Variants in RASSF5 observed in about 807,000 individuals in gnomAD.
RASSF5 encodes the protein Ras association domain family member 5.
A neutral mutation model predicts 40.5 loss-of-function variants in RASSF5; 25 were observed. That is an observed-to-expected ratio of 0.62 (90% CI 0.45 to 0.86). RASSF5 has a LOEUF of 0.86. RASSF5 is among the 40% of genes least tolerant of loss of function. RASSF5 has a pLI of 0.00. For missense variants in RASSF5, 521 were observed against 572.8 expected, an observed-to-expected ratio of 0.91 and a Z score of 0.92; for synonymous variants, 246 against 252.4, an observed-to-expected ratio of 0.97 and a Z score of 0.24.
In RASSF5 at chr1:206,584,888, A is replaced by G; in HGVS notation, c.988+204A>G. On this transcript the variant is annotated intron_variant, in intron 4 of 5. Transcript: ENST00000579436. This position sits in a 1 kb window ranked among gnomAD's most constrained non-coding sequence, Gnocchi z 4.9. ...CCTGACTCTGCATGTGACTTCAGGA[A>G]AACCACACCCTAGGCTCCCATTTCC... 1 of 612,218 alleles carries G rather than the reference A, an allele frequency of 1.6e-6. No homozygotes were observed. The highest frequency in any genetic ancestry group is 2.9e-6 in the Non-Finnish European group (1 of 349,014). The allele number at this position is 612,218 out of a possible 1,614,324, so 37.9% of individuals were successfully genotyped here. A position where few individuals can be genotyped will look rare whatever the true frequency, so the allele number is the denominator to read the frequency against.
chr1:206,581,161 A>T (rs528465697), intron 2 of RASSF5: 4 of 152,240 alleles, frequency 2.6e-5, no homozygotes, highest in Non-Finnish European at 5.9e-5. Flanking sequence ...CAGTTTTGTT[A>T]TCTGTGAAAT....
At chr1:206,570,947 A>G (rs1668431433) in intron 2 of RASSF5, among the ~76,000 whole-genome samples, 1 of 152,158 alleles carries the variant, frequency 6.6e-6, no homozygotes, top group Admixed American at 6.5e-5. Flanking sequence ...TTCTGGGTGT[A>G]TACCCAGAAG....
In RASSF5 at chr1:206,520,333, G is replaced by C. The variant is rs149102987; in HGVS notation, c.457+12274G>C. On this transcript the variant is annotated intron_variant, in intron 1 of 5. Coordinates refer to ENST00000579436, the MANE Select transcript of RASSF5 (RefSeq NM_182663.4). ...AAGAAAATGGGTTTGGTGGCCGGGCGCGGTGGCTCACGCCTGTAATCCCAG... is the reference window on the plus strand; with the variant it reads ...AAGAAAATGGGTTTGGTGGCCGGGCCCGGTGGCTCACGCCTGTAATCCCAG... Among the ~76,000 whole-genome samples the C allele has an allele frequency of 5.6e-3, 848 of 152,292 alleles. 6 individuals are homozygous for C. The highest frequency in any genetic ancestry group is 0.019 in the African/African-American group (795 of 41,564).
chr1:206,517,890 C>G (rs781929837), intron 1 of RASSF5, among the ~76,000 whole-genome samples: 4 of 152,256 alleles, frequency 2.6e-5, no homozygotes, highest in Non-Finnish European at 2.9e-5. Context: ...GCCCCTCCCC[C>G]ACCCTGGGCT....
chr1:206,550,986 G>A (rs1292604849), intron 2 of RASSF5, among the ~76,000 whole-genome samples: 4 of 152,148 alleles, frequency 2.6e-5, no homozygotes, highest in East Asian at 1.9e-4. Context: ...CTAAAATCTG[G>A]CTTTCTATAG....
At chr1:206,508,374 G>A (rs1412109675) in intron 1 of RASSF5, among the ~76,000 whole-genome samples, 1 of 150,918 alleles carries the variant, frequency 6.6e-6, no homozygotes, top group Non-Finnish European at 1.5e-5. Flanking sequence ...AGGTTGTGGG[G>A]GGTGGGTGGG....
At chr1:206,564,278 G>A (rs1324808332) in intron 2 of RASSF5, among the ~76,000 whole-genome samples, 2 of 152,056 alleles carry the variant, frequency 1.3e-5, no homozygotes, top group Non-Finnish European at 2.9e-5. Context: ...CCTCCTCCAG[G>A]ACCACCTGGA....
rs1669139592 is a variant in RASSF5 at position 206,586,877 on chromosome 1, A to G, written c.1156A>G (p.Lys386Glu). The change falls in exon 6 of 6, where the codon AAA becomes GAA. Residue 386 changes from lysine to glutamate, a missense_variant. This residue lies in a region of RASSF5 where 284 missense variants were observed against 360.8 expected (regional missense o/e 0.79). Coordinates refer to ENST00000579436, the MANE Select transcript of RASSF5 (RefSeq NM_182663.4). The stretch of plus-strand genomic sequence containing the variant: ...TCAGAACTTCCTAACAATCCTGGAA[A>G]AAGAGGAGCAGGACAAAATCCAACA... ...ELQNFLTILE[K>E]EEQDKIQQVQ... The G allele has an allele frequency of 6.2e-7, 1 of 1,614,098 alleles. No individual in the cohort carries two copies.
intron 2 of RASSF5, among the ~76,000 whole-genome samples, chr1:206,570,739 C>T (rs1553404087): frequency 6.6e-6 from 1 of 152,136 alleles, no homozygotes; most frequent in Admixed American, 6.5e-5. Context: ...ATTTCCTTCC[C>T]TTTCAAGGCT....
rs1440707739 is a variant in RASSF5 at position 206,584,845 on chromosome 1, G to A, written c.988+161G>A. 1.3e-6 allele frequency: 1 copy of A among 741,908 alleles called. No homozygotes were observed. The highest frequency in any genetic ancestry group is 2.2e-6 in the Non-Finnish European group (1 of 459,596). The allele number at this position is 741,908 out of a possible 1,614,324, so 46.0% of individuals were successfully genotyped here. On this transcript the variant is annotated intron_variant, in intron 4 of 5. Transcript: ENST00000579436. The surrounding 1 kb of genome is among the most constrained non-coding windows in gnomAD (Gnocchi z 4.9). ...GTTCAGATCTGTGGAATCCGGGCAG[G>A]GAGGCAAGAGCAGAGTCCCTGACTC... is the stretch of plus-strand genomic sequence containing the variant.
intron 2 of RASSF5, among the ~76,000 whole-genome samples, chr1:206,570,978 G>T (rs574801650): frequency 6.6e-6 from 1 of 152,118 alleles, no homozygotes; most frequent in Non-Finnish European, 1.5e-5. Flanking sequence ...GGATCACATG[G>T]TAATTCTGTT....
At chr1:206,582,586 G>A (rs1438951933) in intron 2 of RASSF5, among the ~76,000 whole-genome samples, 1 of 152,222 alleles carries the variant, frequency 6.6e-6, no homozygotes, top group African/African-American at 2.4e-5. Context: ...CCTGTGCCCA[G>A]TAGCGGTTTA....
chr1:206,587,718 C>T lies in RASSF5; in HGVS notation c.*740C>T, dbSNP rs1258109094. 6 of 152,360 alleles carry T rather than the reference C, an allele frequency of 3.9e-5. No individual in the cohort carries two copies. The highest frequency in any genetic ancestry group is 1.4e-4 in the African/African-American group (6 of 41,446). 9.4% of individuals were successfully genotyped at this position (152,360 alleles called of 1,614,324 possible). A position where few individuals can be genotyped will look rare whatever the true frequency, so the allele number is the denominator to read the frequency against. ...GTCACATCTTTGTCAACAAACTGTT[C>T]GTTTTTAAGTTACAAATTTGAATTT... On this transcript the variant is annotated 3_prime_UTR_variant, in exon 6 of 6. Transcript: ENST00000579436.
chr1:206,526,231 T>C (rs1230740013), intron 1 of RASSF5, among the ~76,000 whole-genome samples: 3 of 151,314 alleles, frequency 2.0e-5, no homozygotes, highest in African/African-American at 7.3e-5. Context: ...TACCATTACA[T>C]TGACCTTTCC....
At chr1:206,585,346 G>T in intron 5 of RASSF5, 51 bp downstream of exon 5, 1 of 1,349,676 alleles carries the variant, frequency 7.4e-7, no homozygotes, top group Non-Finnish European at 1.1e-6. Context: ...CCCTGGGTGG[G>T]TGCAGGTGGG....
Position 206,524,908 on chromosome 1 carries a change from C to T in RASSF5, c.458-13264C>T, listed in dbSNP as rs952063443. Among the ~76,000 whole-genome samples the T allele has an allele frequency of 2.0e-5, 3 of 151,476 alleles. No individual in the cohort carries two copies. The Admixed American group carries it at 2.0e-4, about 10-fold the overall frequency. On this transcript the variant is annotated intron_variant, in intron 1 of 5. Coordinates refer to ENST00000579436, the MANE Select transcript of RASSF5 (RefSeq NM_182663.4). ...ACACATGCACAGGGCAGAGTGGGGACATGCTTCGGGCTACAGCACCCCCAA... is the reference window on the plus strand; with the variant it reads ...ACACATGCACAGGGCAGAGTGGGGATATGCTTCGGGCTACAGCACCCCCAA...
chr1:206,575,808 G>C (rs782724720), intron 2 of RASSF5, among the ~76,000 whole-genome samples: 1 of 152,230 alleles, frequency 6.6e-6, no homozygotes, highest in Non-Finnish European at 1.5e-5. Flanking sequence ...TCATTTGATG[G>C]TCTTGCATTT....
chr1:206,508,811 G>C (rs1666537084), intron 1 of RASSF5, among the ~76,000 whole-genome samples: 1 of 152,024 alleles, frequency 6.6e-6, no homozygotes, highest in Non-Finnish European at 1.5e-5. Context: ...CCTCTCCACA[G>C]CCCTCAGGCC....
chr1:206,552,350 G>A lies in RASSF5; in HGVS notation c.579+14057G>A, dbSNP rs1553401146. On this transcript the variant is annotated intron_variant, in intron 2 of 5. Coordinates refer to ENST00000579436, the MANE Select transcript of RASSF5 (RefSeq NM_182663.4). The surrounding 1 kb of genome is among the most constrained non-coding windows in gnomAD (Gnocchi z 4.1). ...TGCTTCTCAGAGTCAGATGGAAGGT[G>A]TGGGAGGTATGGATGATATTGGGGA... 6.6e-6 allele frequency among the ~76,000 whole-genome samples: 1 copy of A among 152,248 alleles called. No homozygotes were observed. Among genetic ancestry groups the A allele is most frequent in the African/African-American group, 2.4e-5 (1 of 41,466 alleles).
Sources: allele counts gnomAD v4.1 joint callset (sites outside exome capture counted in the v4.1 genomes callset), GRCh38; gene constraint gnomAD v4.1.1; regional missense constraint gnomAD v4.1.1; non-coding constraint Gnocchi (gnomAD v3.1); transcripts MANE v1.5; gene names NCBI Gene and HGNC (gene_info 2026-07-23, HGNC 2026-07-21).